GLOD4: variants seen among roughly 807,000 people sequenced by gnomAD.
GLOD4 encodes glyoxalase domain-containing protein 4.
A neutral mutation model predicts 39.1 loss-of-function variants in GLOD4; 44 were observed. The ratio of observed to expected loss-of-function variants is 1.13; its 90% CI spans 0.88 to 1.45. The LOEUF (loss-of-function observed/expected upper bound fraction) is 1.45, where lower values mean the gene tolerates loss of function less well. Among genes scored for constraint, GLOD4 ranks in the 40% most tolerant of loss-of-function variants. GLOD4 has a pLI of 0.00. For missense variants in GLOD4, 405 were observed against 366.4 expected, an observed-to-expected ratio of 1.11 and a Z score of -0.86; for synonymous variants, 145 against 135.0, an observed-to-expected ratio of 1.07 and a Z score of -0.52.
intron 1 of GLOD4, among the ~76,000 whole-genome samples, chr17:780,336 T>C (rs1043429920): frequency 1.3e-5 from 2 of 152,218 alleles, no homozygotes; most frequent in African/African-American, 4.8e-5. Context: ...TTCTTTAGCA[T>C]AGCATTCAAG....
chr17:785,832 G>A (rs1910506123), upstream of GLOD4, among the ~76,000 whole-genome samples: 3 of 152,176 alleles, frequency 2.0e-5, 1 homozygote, highest in South Asian at 6.2e-4. Context: ...GCTAATAATT[G>A]TTTTTTAAAT....
chr17:782,793 C>A, upstream of GLOD4: 1 of 1,288,098 alleles, frequency 7.8e-7, no homozygotes, highest in Non-Finnish European at 1.0e-6. Flanking sequence ...CAGTACAGCC[C>A]GCTGGTTTTT....
At chr17:764,725 T>C (rs999117111) in intron 8 of GLOD4, 2 of 151,732 alleles carry the variant, frequency 1.3e-5, no homozygotes, top group African/African-American at 4.8e-5. Flanking sequence ...CCATGTTGAG[T>C]AGGCCGGGCG....
chr17:760,196 T>A lies in GLOD4; in HGVS notation c.874A>T (p.Asn292Tyr), dbSNP rs1905207669. Residue 292 changes from asparagine (N) to tyrosine (Y), a missense_variant, in exon 9 of 9, where the codon AAT becomes TAT. Physicochemically the swap from Asn to Tyr is moderately radical, Grantham distance 143. Transcript: ENST00000301329. Reference protein sequence around the residue: ...DKSDEWFAKHNKPKASG With the variant: ...DKSDEWFAKHYKPKASG Reference sequence around the variant, plus strand: ...CGTTAACCTGAAGCTTTGGGTTTATTGTGTTTGGCAAACCACTCGTCACTT... The same window carrying A: ...CGTTAACCTGAAGCTTTGGGTTTATAGTGTTTGGCAAACCACTCGTCACTT... 1.2e-6 allele frequency: 2 copies of A among 1,600,980 alleles called. No homozygotes were observed. The highest frequency in any genetic ancestry group is 1.7e-6 in the Non-Finnish European group (2 of 1,168,146).
chr17:779,686 G>GT (rs1263704864), intron 1 of GLOD4, among the ~76,000 whole-genome samples: 1 of 151,882 alleles, frequency 6.6e-6, no homozygotes, highest in Non-Finnish European at 1.5e-5. Flanking sequence ...TAGTAGTTGT[G>GT]TAACTCTGAG....
At chr17:775,707 C>T in intron 4 of GLOD4, 68 bp downstream of exon 4, 1 of 1,312,850 alleles carries the variant, frequency 7.6e-7, no homozygotes, top group Non-Finnish European at 1.1e-6. Flanking sequence ...AAAAGACAGG[C>T]AGCCCTCACT....
chr17:769,003 T>G (rs1366938825), intron 8 of GLOD4, among the ~76,000 whole-genome samples: 1 of 149,632 alleles, frequency 6.7e-6, no homozygotes, highest in Admixed American at 6.7e-5. Flanking sequence ...AGAGGAGATA[T>G]GGGGTCAGTA....
At chr17:780,706 G>C (rs1215033814) in intron 1 of GLOD4, 1 of 134,298 alleles carries the variant, frequency 7.4e-6, no homozygotes, top group Non-Finnish European at 1.5e-5. Flanking sequence ...TCGCGCCACT[G>C]CACTCCAGCC....
chr17:775,126 C>T (rs562191614), intron 4 of GLOD4, among the ~76,000 whole-genome samples: 99 of 145,412 alleles, frequency 6.8e-4, no homozygotes, highest in Admixed American at 1.4e-3. Flanking sequence ...AAAAAAAAAG[C>T]TGAGCGTGGT....
Position 759,847 on chromosome 17 carries a change from T to TC in GLOD4, c.*325dup. 3.6e-6 allele frequency: 1 copy of TC among 280,516 alleles called. No individual in the cohort carries two copies. The highest frequency in any genetic ancestry group is 7.1e-5 in the East Asian group (1 of 13,988). 17.4% of individuals were successfully genotyped at this position (280,516 alleles called of 1,614,324 possible). ...CACGATTCAGAGGTAACCCTAACTATCCGCAATCCCAACCAAAGTCATGTT... is the reference window on the plus strand; with the variant it reads ...CACGATTCAGAGGTAACCCTAACTATCCCGCAATCCCAACCAAAGTCATGTT... On this transcript the variant is annotated 3_prime_UTR_variant, in exon 9 of 9. Transcript: ENST00000301329.
Position 759,961 on chromosome 17 carries a change from A to T in GLOD4, c.*212T>A. ...CGCAGTCCCAGCAACAGTGTAGATT[A>T]CAGCAGGCGTTCTCTACCTGGACTC... On this transcript the variant is annotated 3_prime_UTR_variant, in exon 9 of 9. Transcript: ENST00000301329. The T allele has an allele frequency of 7.1e-6, 4 of 564,444 alleles. No homozygotes were observed. Among genetic ancestry groups the T allele is most frequent in the South Asian group, 4.5e-5 (2 of 44,730 alleles). The allele number at this position is 564,444 out of a possible 1,614,324, so 35.0% of individuals were successfully genotyped here.
In GLOD4 at chr17:782,274, C is replaced by G. The variant is rs766382016; in HGVS notation, c.-19G>C. 1.2e-6 allele frequency: 2 copies of G among 1,612,670 alleles called. No individual in the cohort carries two copies. The highest frequency in any genetic ancestry group is 2.2e-5 in the South Asian group (2 of 90,962). On this transcript the variant is annotated 5_prime_UTR_variant, in exon 1 of 9. Coordinates refer to ENST00000301329, the MANE Select transcript of GLOD4 (RefSeq NM_016080.4). ...CAGCCATGATTCCCGCCGCACGCAG[C>G]CGTCACGCGCACCGTACAGCCCAGT...
At chr17:782,533 G>T, upstream of GLOD4, 1 of 1,613,586 alleles carries the variant, frequency 6.2e-7, no homozygotes, top group South Asian at 1.1e-5. Context: ...GAACAGAAGC[G>T]CGCTCCTGGG....
chr17:766,876 G>A (rs1327586977), intron 8 of GLOD4, among the ~76,000 whole-genome samples: 2 of 152,216 alleles, frequency 1.3e-5, no homozygotes, highest in Non-Finnish European at 2.9e-5. Context: ...TCCACCCTGG[G>A]CGACAGAGCT....
chr17:784,889 C>T (rs567991690), upstream of GLOD4, among the ~76,000 whole-genome samples: 21 of 152,178 alleles, frequency 1.4e-4, no homozygotes, highest in African/African-American at 4.3e-4. Context: ...AGCACACAGA[C>T]GCCTAATACC....
upstream of GLOD4, among the ~76,000 whole-genome samples, chr17:785,191 CATT>C (rs1022855224): frequency 6.6e-6 from 1 of 152,012 alleles, no homozygotes; most frequent in African/African-American, 2.4e-5. Flanking sequence ...AAAAGGTTAT[CATT>C]ATCACCTCTA....
At chr17:782,110 G>C (rs760503231) in intron 1 of GLOD4, 56 bp downstream of exon 1, 3 of 1,361,188 alleles carry the variant, frequency 2.2e-6, no homozygotes, top group Admixed American at 4.0e-5. Context: ...CGCCAGGGCC[G>C]GCTCGGGCGC....
chr17:760,300 C>G, intron 8 of GLOD4, 62 bp from the exon 9 acceptor site: 2 of 866,480 alleles, frequency 2.3e-6, no homozygotes, highest in East Asian at 2.4e-5. Flanking sequence ...ACATAGCCCA[C>G]TTTATATCTC....
intron 8 of GLOD4, among the ~76,000 whole-genome samples, chr17:766,083 G>A (rs1906484371): frequency 6.7e-6 from 1 of 150,124 alleles, no homozygotes; most frequent in Non-Finnish European, 1.5e-5. Flanking sequence ...GAATGATTGA[G>A]CCCAGGAAGT....
Sources: allele counts gnomAD v4.1 joint callset (sites outside exome capture counted in the v4.1 genomes callset), GRCh38; gene constraint gnomAD v4.1.1; transcripts MANE v1.5; gene names NCBI Gene and HGNC (gene_info 2026-07-23, HGNC 2026-07-21).